The following TSPAN15 variants were observed in gnomAD, a reference collection of about 807,000 sequenced individuals.
TSPAN15 encodes the protein tetraspanin 15, also known as tetraspanin-15.
Under a neutral mutation model 34.5 loss-of-function variants are expected in TSPAN15, and 20 were observed. The ratio of observed to expected loss-of-function variants is 0.58; its 90% CI spans 0.41 to 0.84. TSPAN15 has a LOEUF of 0.84. TSPAN15 is among the 40% of genes least tolerant of loss of function. TSPAN15 has a pLI of 0.00. For missense variants in TSPAN15, 313 were observed against 386.1 expected, an observed-to-expected ratio of 0.81 and a Z score of 1.59; for synonymous variants, 155 against 153.9, an observed-to-expected ratio of 1.01 and a Z score of -0.05.
chr10:69,470,922 A>C (rs1404065928), intron 1 of TSPAN15, among the ~76,000 whole-genome samples: 1 of 152,032 alleles, frequency 6.6e-6, no homozygotes, highest in African/African-American at 2.4e-5. Context: ...ACACAGGCAC[A>C]TCCCAAGGCC....
the TSPAN15 span, among the ~76,000 whole-genome samples, chr10:69,517,402 G>C: frequency 6.6e-6 from 1 of 152,218 alleles, no homozygotes; most frequent in Non-Finnish European, 1.5e-5. Flanking sequence ...CCGGGGGCTC[G>C]GCCCCCTGAA....
the TSPAN15 span, among the ~76,000 whole-genome samples, chr10:69,536,711 A>G: frequency 6.6e-6 from 1 of 152,108 alleles, no homozygotes; most frequent in Non-Finnish European, 1.5e-5. Context: ...CTGGTCGGGC[A>G]TGGTGGCTCG....
downstream of TSPAN15, among the ~76,000 whole-genome samples, chr10:69,512,295 A>G (rs555116486): frequency 6.6e-6 from 1 of 152,342 alleles, no homozygotes; most frequent in African/African-American, 2.4e-5. Flanking sequence ...TGCAGCCTAC[A>G]TCATTTGTGA....
At chr10:69,510,536 C>T (rs1477255843), downstream of TSPAN15, among the ~76,000 whole-genome samples, 1 of 152,212 alleles carries the variant, frequency 6.6e-6, no homozygotes, top group Non-Finnish European at 1.5e-5. Context: ...GACAATTTGA[C>T]TTCCTGTCTT....
the TSPAN15 span, among the ~76,000 whole-genome samples, chr10:69,538,232 A>G: frequency 6.6e-6 from 1 of 152,196 alleles, no homozygotes; most frequent in African/African-American, 2.4e-5. Context: ...ATGGATTTGA[A>G]AGTTACTGAT....
In TSPAN15 at chr10:69,467,662, AC is replaced by A. The variant is rs1331226040; in HGVS notation, c.96+15973del. Among the ~76,000 whole-genome samples the A allele has an allele frequency of 2.9e-3, 436 of 151,982 alleles. 3 individuals carry two copies. The highest frequency in any genetic ancestry group is 0.021 in the East Asian group (107 of 5,164). On this transcript the variant is annotated intron_variant, in intron 1 of 7. Coordinates refer to ENST00000373290, the MANE Select transcript of TSPAN15 (RefSeq NM_012339.5). ...AACACACACACACACACACACACAC[AC>A]ACACACACACACCTCTTCTTGGAAA...
chr10:69,540,876 C>T, the TSPAN15 span, among the ~76,000 whole-genome samples: 2 of 152,020 alleles, frequency 1.3e-5, no homozygotes, highest in Admixed American at 6.6e-5. Flanking sequence ...ATGTGTCCTG[C>T]GTTCAGGAGG....
chr10:69,520,083 C>T, the TSPAN15 span, among the ~76,000 whole-genome samples: 2 of 152,154 alleles, frequency 1.3e-5, no homozygotes, highest in Non-Finnish European at 2.9e-5. Flanking sequence ...ATATATTCAC[C>T]ATGTAGTGCA....
chr10:69,460,055 ATGAG>A (rs1841216020), intron 1 of TSPAN15, among the ~76,000 whole-genome samples: 1 of 145,886 alleles, frequency 6.9e-6, no homozygotes, highest in Non-Finnish European at 1.5e-5. Flanking sequence ...ATGAGATGAG[ATGAG>A]ATGAGATGAG....
At chr10:69,467,988 C>G (rs901364050) in intron 1 of TSPAN15, among the ~76,000 whole-genome samples, 3 of 152,126 alleles carry the variant, frequency 2.0e-5, no homozygotes, top group Non-Finnish European at 2.9e-5. Flanking sequence ...TGTTACTTGC[C>G]TACGTTGTAC....
the TSPAN15 span, among the ~76,000 whole-genome samples, chr10:69,514,304 G>T: frequency 1.3e-5 from 2 of 152,138 alleles, no homozygotes; most frequent in African/African-American, 4.8e-5. Context: ...TTGCACCTTT[G>T]TTTAGGAGGA....
At chr10:69,536,212 T>C in the TSPAN15 span, among the ~76,000 whole-genome samples, 3 of 152,206 alleles carry the variant, frequency 2.0e-5, no homozygotes, top group African/African-American at 7.2e-5. Context: ...CCCAGATCAA[T>C]TGCTACCTCA....
At chr10:69,528,252 T>C in the TSPAN15 span, among the ~76,000 whole-genome samples, 1 of 148,616 alleles carries the variant, frequency 6.7e-6, no homozygotes, top group South Asian at 2.1e-4. Context: ...GCAGCTTCCC[T>C]GGCTGGCATT....
rs189914907 is a variant in TSPAN15 at position 69,494,466 on chromosome 10, A to C, written c.358-1128A>C. Reference sequence around the variant, plus strand: ...TTTCCTCCTGATTTTGCAGGTGAGCAAACAGAGGCTCAGAAGTTAAAAGAA... The same window carrying C: ...TTTCCTCCTGATTTTGCAGGTGAGCCAACAGAGGCTCAGAAGTTAAAAGAA... On this transcript the variant is annotated intron_variant, in intron 3 of 7. Coordinates refer to ENST00000373290, the MANE Select transcript of TSPAN15 (RefSeq NM_012339.5). Among the ~76,000 whole-genome samples the C allele has an allele frequency of 1.8e-4, 27 of 152,306 alleles. No homozygotes were observed. In the East Asian group the frequency reaches 3.7e-3, roughly 21 times the overall value.
At chr10:69,481,578 A>T (rs997981949) in intron 1 of TSPAN15, among the ~76,000 whole-genome samples, 11 of 152,174 alleles carry the variant, frequency 7.2e-5, no homozygotes, top group African/African-American at 2.7e-4. Context: ...TAAGGACATG[A>T]TGATCAGTAA....
chr10:69,496,861 G>A (rs978682124), intron 4 of TSPAN15, among the ~76,000 whole-genome samples: 3 of 152,218 alleles, frequency 2.0e-5, no homozygotes, highest in Non-Finnish European at 4.4e-5. Flanking sequence ...CTTCTGCTCC[G>A]GGTGGAGTGA....
chr10:69,466,515 G>A (rs1368361435), intron 1 of TSPAN15, among the ~76,000 whole-genome samples: 1 of 152,140 alleles, frequency 6.6e-6, no homozygotes, highest in South Asian at 2.1e-4. Flanking sequence ...TTGTGATTGT[G>A]TAGATCTTGA....
chr10:69,455,814 A>G (rs574942443), intron 1 of TSPAN15, among the ~76,000 whole-genome samples: 10 of 151,954 alleles, frequency 6.6e-5, no homozygotes, highest in Non-Finnish European at 1.0e-4. Context: ...ATCAGTATAT[A>G]CAGCTTGATG....
intron 1 of TSPAN15, 46 bp downstream of exon 1, chr10:69,451,736 AT>A (rs1331976826): frequency 7.3e-7 from 1 of 1,368,630 alleles, no homozygotes; most frequent in Non-Finnish European, 9.6e-7. Context: ...GGGACCCACA[AT>A]CCGGCCGCCC....
Sources: allele counts gnomAD v4.1 joint callset (sites outside exome capture counted in the v4.1 genomes callset), GRCh38; gene constraint gnomAD v4.1.1; transcripts MANE v1.5; gene names NCBI Gene and HGNC (gene_info 2026-07-23, HGNC 2026-07-21).